TPRX1: variants seen among roughly 807,000 people sequenced by gnomAD.
TPRX1 encodes the protein tetra-peptide repeat homeobox protein 1.
In TPRX1, 2 loss-of-function variants were observed where a neutral mutation model predicts 8.1. The ratio of observed to expected loss-of-function variants is 0.25; its 90% CI spans 0.10 to 0.78. TPRX1 has a LOEUF of 0.78. Among genes scored for constraint, TPRX1 ranks in the 30% least tolerant of loss-of-function variants. TPRX1 has a pLI of 0.70. For synonymous variants in TPRX1, 257 were observed against 254.1 expected (o/e 1.01, Z -0.11); for missense variants, 517 against 586.9 (o/e 0.88, Z 1.23).
At chr19:47,814,946 T>G (rs1178301451) in intron 2 of TPRX1, among the ~76,000 whole-genome samples, 1 of 150,012 alleles carries the variant, frequency 6.7e-6, no homozygotes, top group East Asian at 2.0e-4. Context: ...ATTACAGGCA[T>G]GTGCCACCAT....
exon 4 of TPRX1, chr19:47,802,525 C>A (rs1467363218): frequency 3.7e-5 from 56 of 1,516,170 alleles, no homozygotes; most frequent in Non-Finnish European, 4.5e-5. Context: ...GGCCTGGGAT[C>A]GGGGCTGGGC....
At chr19:47,808,809 A>G (rs1251369578) in intron 2 of TPRX1, among the ~76,000 whole-genome samples, 1 of 152,146 alleles carries the variant, frequency 6.6e-6, no homozygotes, top group African/African-American at 2.4e-5. Flanking sequence ...TCCGCTGTGA[A>G]TAAGCGCAGA....
intron 2 of TPRX1, among the ~76,000 whole-genome samples, chr19:47,807,213 T>C (rs1290290660): frequency 6.6e-6 from 1 of 152,022 alleles, no homozygotes; most frequent in Non-Finnish European, 1.5e-5. Flanking sequence ...GCCAAAACCA[T>C]TTCATTTTGT....
At chr19:47,808,988 T>A (rs1967759382) in intron 2 of TPRX1, among the ~76,000 whole-genome samples, 1 of 152,126 alleles carries the variant, frequency 6.6e-6, no homozygotes, top group African/African-American at 2.4e-5. Context: ...AATGATGATC[T>A]TTAATGTATT....
exon 4 of TPRX1, chr19:47,801,988 G>C: frequency 6.2e-7 from 1 of 1,613,938 alleles, no homozygotes; most frequent in South Asian, 1.1e-5. Context: ...GCAAGAAGTC[G>C]GAGGCATCGG....
intron 2 of TPRX1, among the ~76,000 whole-genome samples, chr19:47,817,957 C>T (rs57039073): frequency 0.06 from 9,144 of 152,274 alleles, 904 homozygotes; most frequent in African/African-American, 0.21. Context: ...TGAGTGGATG[C>T]ACCCACTACC....
rs116478328 is a variant in TPRX1, at chr19:47,815,533, G to A, written c.151+2935C>T. Reference sequence around the variant, plus strand: ...GCTTTTAATTTCTACTTCATGCCAGGCCCAGTGGCTCATGCCTGTAATCCC... The same window carrying A: ...GCTTTTAATTTCTACTTCATGCCAGACCCAGTGGCTCATGCCTGTAATCCC... On this transcript the variant is annotated intron_variant, in intron 2 of 3. Transcript: ENST00000535759. 5.6e-3 allele frequency among the ~76,000 whole-genome samples: 831 copies of A among 149,162 alleles called. 6 individuals are homozygous for A. Among genetic ancestry groups the A allele is most frequent in the African/African-American group, 0.019 (784 of 40,738 alleles).
At chr19:47,817,476 C>T (rs1277617915) in intron 2 of TPRX1, among the ~76,000 whole-genome samples, 4 of 152,200 alleles carry the variant, frequency 2.6e-5, no homozygotes, top group Non-Finnish European at 5.9e-5. Flanking sequence ...GGATGCTCGC[C>T]ACAGCCCCAC....
exon 4 of TPRX1, chr19:47,802,442 G>A (rs1439670947): frequency 1.4e-6 from 2 of 1,439,022 alleles, no homozygotes; most frequent in Non-Finnish European, 1.9e-6. Flanking sequence ...GCCTGAGATT[G>A]GGCCTGGGAT....
intron 2 of TPRX1, among the ~76,000 whole-genome samples, chr19:47,814,109 T>G (rs948312750): frequency 6.7e-6 from 1 of 149,918 alleles, no homozygotes; most frequent in Middle Eastern, 3.5e-3. Flanking sequence ...CAGGCTGGAG[T>G]GCAGTGGTGT....
At chr19:47,815,753 A>C (rs1967834433) in intron 2 of TPRX1, among the ~76,000 whole-genome samples, 1 of 151,210 alleles carries the variant, frequency 6.6e-6, no homozygotes, top group South Asian at 2.1e-4. Flanking sequence ...TTGAGGCTTC[A>C]GTCAGCCGAG....
intron 2 of TPRX1, among the ~76,000 whole-genome samples, chr19:47,811,119 T>C (rs1967778896): frequency 6.6e-6 from 1 of 151,676 alleles, no homozygotes; most frequent in Non-Finnish European, 1.5e-5. Context: ...TTCTCCTTCC[T>C]CAGCCTCCAG....
chr19:47,810,379 C>T (rs1423551965), intron 2 of TPRX1, among the ~76,000 whole-genome samples: 57 of 111,704 alleles, frequency 5.1e-4, no homozygotes, highest in Middle Eastern at 8.9e-3. Context: ...GACAGAGTCT[C>T]GCTCTGTCGC....
intron 2 of TPRX1, among the ~76,000 whole-genome samples, chr19:47,817,514 A>G (rs1967854937): frequency 6.6e-6 from 1 of 152,154 alleles, no homozygotes; most frequent in Non-Finnish European, 1.5e-5. Context: ...TTCTCAGAGG[A>G]GGAAACTGAG....
intron 2 of TPRX1, among the ~76,000 whole-genome samples, chr19:47,813,153 A>AT (rs1393946999): frequency 6.9e-6 from 1 of 144,446 alleles, no homozygotes; most frequent in Non-Finnish European, 1.5e-5. Context: ...TAATAAATAA[A>AT]ACAACCCCCC....
chr19:47,817,633 TCTGC>T (rs1403249262), intron 2 of TPRX1, among the ~76,000 whole-genome samples: 1 of 152,094 alleles, frequency 6.6e-6, no homozygotes, highest in Non-Finnish European at 1.5e-5. Flanking sequence ...CACCCCCGAG[TCTGC>T]CTGGGATTCC....
At chr19:47,813,812 G>T (rs1967806748) in intron 2 of TPRX1, among the ~76,000 whole-genome samples, 1 of 152,002 alleles carries the variant, frequency 6.6e-6, no homozygotes, top group Non-Finnish European at 1.5e-5. Flanking sequence ...TGGCCTAAGA[G>T]GATTGGAACA....
intron 2 of TPRX1, among the ~76,000 whole-genome samples, chr19:47,815,164 T>TATATGCAAATATATATATATATATATATA (rs1228376903): frequency 2.8e-4 from 14 of 49,908 alleles, no homozygotes; most frequent in Admixed American, 2.3e-4. Context: ...ATATATATAT[T>TATATGCAAATATATATATATATATATATA]TTTTTTTTTT....
At chr19:47,807,525 C>G (rs1967745968) in intron 2 of TPRX1, among the ~76,000 whole-genome samples, 1 of 151,716 alleles carries the variant, frequency 6.6e-6, no homozygotes, top group South Asian at 2.1e-4. Context: ...TGTGTTACCA[C>G]ACCCAGTAAA....
Sources: gnomAD v4.1 joint callset for allele counts (sites outside exome capture counted in the v4.1 genomes callset) on GRCh38, gnomAD v4.1.1 for gene constraint, MANE v1.5 for transcripts, NCBI Gene and HGNC (gene_info 2026-07-23, HGNC 2026-07-21) for gene names.